CUX1: variants seen among roughly 807,000 people sequenced by gnomAD.
CUX1 encodes cut like homeobox 1, also known as protein CASP.
In CUX1, 31 loss-of-function variants were observed where a neutral mutation model predicts 158.8. That is an observed-to-expected ratio of 0.20 (90% CI 0.15 to 0.26). CUX1 has a LOEUF of 0.26. CUX1 is among the 10% of genes least tolerant of loss of function. CUX1 has a pLI of 1.00. For synonymous variants in CUX1, 879 were observed against 862.1 expected (o/e 1.02, Z -0.34); for missense variants, 1,589 against 2,014.6 (o/e 0.79, Z 4.04).
At position 102,281,952 on chromosome 7, in the gene CUX1, A is replaced by G. The variant is rs1302329827; in HGVS notation, c.1902+32A>G. On this transcript the variant is annotated intron_variant, in intron 21 of 22. Transcript: ENST00000292538. ...GTGCACACGGGCGGGCCAGAGGCAC[A>G]TTCACCATCCCCAGCCCTGACCTCC... 2.7e-6 allele frequency: 4 copies of G among 1,465,086 alleles called. No homozygotes were observed. In the African/African-American group the frequency reaches 4.2e-5, roughly 15 times the overall value. 90.8% of individuals were successfully genotyped at this position (1,465,086 alleles called of 1,614,324 possible).
Position 102,252,331 on chromosome 7 carries a change from G to T in CUX1, c.*3289G>T. The T allele has an allele frequency of 1.0e-6, 1 of 985,420 alleles. No individual in the cohort carries two copies. Among genetic ancestry groups the T allele is most frequent in the East Asian group, 1.1e-4 (1 of 8,818 alleles). 61.0% of individuals were successfully genotyped at this position (985,420 alleles called of 1,614,324 possible). A position where few individuals can be genotyped will look rare whatever the true frequency, so the allele number is the denominator to read the frequency against. ...AAGTGCCTTGAACAGTGTCCCCTCG[G>T]CATGGCTCCCCTTCAGCAGGCTGGC... On this transcript the variant is annotated 3_prime_UTR_variant, in exon 24 of 24. Coordinates refer to ENST00000292535, the MANE Select transcript of CUX1 (RefSeq NM_181552.4).
intron 4 of CUX1, among the ~76,000 whole-genome samples, chr7:102,095,466 G>C (rs1829081077): frequency 6.6e-6 from 1 of 152,168 alleles, no homozygotes; most frequent in Non-Finnish European, 1.5e-5. Flanking sequence ...GATGGACTGT[G>C]TTGCTGTGAA....
rs1816791980 is a variant in CUX1, at chr7:102,002,466, A to C, written c.142-25632A>C. On this transcript the variant is annotated intron_variant, in intron 2 of 23. Transcript: ENST00000292535. ...TGCTCCATAGTGCTTTTCACCCTGT[A>C]TTTTCTCATAGGTTTTGCCCCACTG... Among the ~76,000 whole-genome samples the C allele has an allele frequency of 2.0e-5, 3 of 151,952 alleles. No homozygotes were observed. The South Asian group carries it at 6.2e-4, about 32-fold the overall frequency.
intron 2 of CUX1, among the ~76,000 whole-genome samples, chr7:101,919,323 C>T (rs941996583): frequency 2.6e-5 from 4 of 152,164 alleles, no homozygotes; most frequent in African/African-American, 7.2e-5. Flanking sequence ...TTTGGGGTCT[C>T]AGTCTTGAGG....
intron 2 of CUX1, among the ~76,000 whole-genome samples, chr7:101,973,854 C>CTT (rs1812318662): frequency 1.3e-5 from 2 of 151,394 alleles, no homozygotes; most frequent in African/African-American, 2.4e-5. Flanking sequence ...CGGCAACCTC[C>CTT]ACCTCCCAGG....
At chr7:101,903,436 T>C (rs995438381) in intron 1 of CUX1, among the ~76,000 whole-genome samples, 4 of 152,178 alleles carry the variant, frequency 2.6e-5, no homozygotes, top group African/African-American at 7.2e-5. Flanking sequence ...GCACTGCGTG[T>C]GCCTACAAGG....
At chr7:101,969,982 CAAA>C (rs34167642) in intron 2 of CUX1, among the ~76,000 whole-genome samples, 1 of 55,656 alleles carries the variant, frequency 1.8e-5, no homozygotes, top group Non-Finnish European at 3.1e-5. Flanking sequence ...GAGTTAGCAC[CAAA>C]AAAAAAAAAA....
chr7:101,821,484 G>C lies in CUX1; in HGVS notation c.30+3815G>C, dbSNP rs1397611140. On this transcript the variant is annotated intron_variant, in intron 1 of 23. Coordinates refer to ENST00000292535, the MANE Select transcript of CUX1 (RefSeq NM_181552.4). ...CTCCCGAGTAGCTGGGACTACAGGC[G>C]CTGGCCACCAGGCCTGGCTAATTTT... Among the ~76,000 whole-genome samples the C allele has an allele frequency of 7.3e-5, 11 of 151,290 alleles. No individual in the cohort carries two copies. In the East Asian group the frequency reaches 1.6e-3, roughly 21 times the overall value.
chr7:101,858,661 CTTTTTT>C (rs760652607), intron 1 of CUX1, among the ~76,000 whole-genome samples: 1 of 103,320 alleles, frequency 9.7e-6, no homozygotes, highest in Admixed American at 1.0e-4. Flanking sequence ...ATGCGAATGC[CTTTTTT>C]TTTTTTTTTT....
chr7:102,266,881 A>G (rs1790848141), intron 14 of CUX1, among the ~76,000 whole-genome samples: 1 of 152,310 alleles, frequency 6.6e-6, no homozygotes, highest in East Asian at 1.9e-4. Context: ...ACGCTTGAGA[A>G]GAGACAGCTT....
chr7:102,063,857 C>A (rs557980731), intron 3 of CUX1, among the ~76,000 whole-genome samples: 28 of 152,368 alleles, frequency 1.8e-4, no homozygotes, highest in African/African-American at 5.3e-4. Context: ...GTTGATGCTA[C>A]AGCTTAGTTT....
At chr7:101,865,458 C>T (rs1234349497) in intron 1 of CUX1, among the ~76,000 whole-genome samples, 2 of 152,198 alleles carry the variant, frequency 1.3e-5, no homozygotes, top group African/African-American at 2.4e-5. Context: ...CCTGGCTGCT[C>T]CTTTAAGAAG....
chr7:102,254,625 T>C lies in CUX1; in HGVS notation c.*5583T>C, dbSNP rs1050467242. The C allele has an allele frequency of 3.0e-6, 3 of 985,506 alleles. No individual in the cohort carries two copies. The highest frequency in any genetic ancestry group is 3.6e-6 in the Non-Finnish European group (3 of 829,964). 61.0% of individuals were successfully genotyped at this position (985,506 alleles called of 1,614,324 possible). On this transcript the variant is annotated 3_prime_UTR_variant, in exon 24 of 24. Transcript: ENST00000292535. ...GAACCTAAGGATGGGGACAGCATCC[T>C]GTGCTTGGGCATTGACCAGCCAAAG...
intron 23 of CUX1, among the ~76,000 whole-genome samples, chr7:102,245,120 G>A (rs921989859): frequency 9.2e-5 from 14 of 152,168 alleles, no homozygotes; most frequent in East Asian, 1.9e-4. Flanking sequence ...TCAGCTCACC[G>A]CAGCCTTGAA....
intron 15 of CUX1, chr7:102,274,135 A>G (rs1554547010): frequency 5.7e-6 from 6 of 1,057,226 alleles, no homozygotes; most frequent in Non-Finnish European, 1.4e-6. Flanking sequence ...GGATGGCCCC[A>G]CCCACTCCTT....
At chr7:101,998,687 T>G (rs564127840) in intron 2 of CUX1, among the ~76,000 whole-genome samples, 1 of 152,172 alleles carries the variant, frequency 6.6e-6, no homozygotes, top group East Asian at 1.9e-4. Flanking sequence ...AAAAAATTGG[T>G]TTTTTTGGAA....
intron 1 of CUX1, among the ~76,000 whole-genome samples, chr7:101,844,179 TCCCCGC>T (rs1218148805): frequency 5.6e-4 from 61 of 108,624 alleles, no homozygotes; most frequent in East Asian, 8.6e-4. Context: ...ACCGTCCCCC[TCCCCGC>T]CCCCGCCCCC....
chr7:102,274,594 C>T (rs542622640), intron 16 of CUX1, among the ~76,000 whole-genome samples: 4 of 152,244 alleles, frequency 2.6e-5, no homozygotes, highest in East Asian at 3.9e-4. Context: ...CCAGCCTGGG[C>T]GACAGACCGA....
chr7:102,256,171 G>A lies in CUX1; in HGVS notation c.*7129G>A, dbSNP rs1789873506. The A allele has an allele frequency of 1.4e-5, 14 of 985,352 alleles. No homozygotes were observed. Among genetic ancestry groups the A allele is most frequent in the African/African-American group, 1.7e-5 (1 of 57,236 alleles). 61.0% of individuals were successfully genotyped at this position (985,352 alleles called of 1,614,324 possible). On this transcript the variant is annotated 3_prime_UTR_variant, in exon 24 of 24. Coordinates refer to ENST00000292535, the MANE Select transcript of CUX1 (RefSeq NM_181552.4). ...TGACGAGGCAGGATAGGGAGTATCCGTGATTCAGAAGCTGAGACCCTTCCC... is the reference window on the plus strand; with the variant it reads ...TGACGAGGCAGGATAGGGAGTATCCATGATTCAGAAGCTGAGACCCTTCCC...
Sources: gnomAD v4.1 joint callset for allele counts (sites outside exome capture counted in the v4.1 genomes callset) on GRCh38, gnomAD v4.1.1 for gene constraint, MANE v1.5 for transcripts, NCBI Gene and HGNC (gene_info 2026-07-23, HGNC 2026-07-21) for gene names.